PDE8B: variants seen among roughly 807,000 people sequenced by gnomAD.
PDE8B encodes the protein phosphodiesterase 8B.
Under a neutral mutation model 101.3 loss-of-function variants are expected in PDE8B, and 26 were observed. The observed-to-expected ratio is 0.26, with a 90% CI of 0.19 to 0.36. PDE8B has a LOEUF of 0.36. PDE8B is among the 10% of genes least tolerant of loss of function. PDE8B has a pLI of 1.00. For synonymous variants in PDE8B, 424 were observed against 429.3 expected, an observed-to-expected ratio of 0.99 and a Z score of 0.15; for missense variants, 810 against 1,163.1, an observed-to-expected ratio of 0.70 and a Z score of 4.42.
the PDE8B span, among the ~76,000 whole-genome samples, chr5:77,092,150 G>C: frequency 6.6e-6 from 1 of 152,242 alleles, no homozygotes; most frequent in East Asian, 1.9e-4. Context: ...ATCTTAACAA[G>C]ATGTATTTTT....
chr5:77,364,768 A>G (rs1423517931), intron 10 of PDE8B, among the ~76,000 whole-genome samples: 1 of 152,184 alleles, frequency 6.6e-6, no homozygotes, highest in African/African-American at 2.4e-5. Context: ...GCCAGGTCTC[A>G]GTGGGTGCCA....
intron 1 of PDE8B, among the ~76,000 whole-genome samples, chr5:77,267,789 G>A (rs183435309): frequency 1.8e-3 from 276 of 152,324 alleles, no homozygotes; most frequent in African/African-American, 6.4e-3. Flanking sequence ...TAAGGTTATG[G>A]TATGCGAAGT....
At chr5:77,293,348 T>G (rs1767799636) in intron 1 of PDE8B, among the ~76,000 whole-genome samples, 1 of 152,030 alleles carries the variant, frequency 6.6e-6, no homozygotes, top group East Asian at 1.9e-4. Context: ...TATTCCTCTA[T>G]ATGGATTTGA....
intron 20 of PDE8B, among the ~76,000 whole-genome samples, chr5:77,423,063 T>C (rs544196302): frequency 1.3e-5 from 2 of 152,362 alleles, no homozygotes; most frequent in South Asian, 2.1e-4. Context: ...TTTCTGCCAC[T>C]GTGTGTACCC....
At chr5:77,101,720 G>T in the PDE8B span, among the ~76,000 whole-genome samples, 1 of 152,044 alleles carries the variant, frequency 6.6e-6, no homozygotes, top group African/African-American at 2.4e-5. Flanking sequence ...CTAGCACAAT[G>T]CTGGGCAAAG....
chr5:77,359,338 C>T (rs536561349), intron 10 of PDE8B, among the ~76,000 whole-genome samples: 2 of 152,208 alleles, frequency 1.3e-5, no homozygotes, highest in African/African-American at 2.4e-5. Context: ...AAGGGTAAAC[C>T]GATAACATTC....
chr5:77,309,568 G>A (rs746225256), intron 1 of PDE8B, among the ~76,000 whole-genome samples: 1 of 152,144 alleles, frequency 6.6e-6, no homozygotes, highest in Admixed American at 6.5e-5. Flanking sequence ...AGAGATCACA[G>A]GGCAAGCGAA....
chr5:77,335,564 T>TGTGTGAGA (rs777358989), intron 5 of PDE8B, among the ~76,000 whole-genome samples: 25 of 99,970 alleles, frequency 2.5e-4, no homozygotes, highest in African/African-American at 7.9e-4. Context: ...TGTGTGTGTG[T>TGTGTGAGA]GAGAGAGAGA....
chr5:77,117,916 T>C, the PDE8B span, among the ~76,000 whole-genome samples: 1 of 152,138 alleles, frequency 6.6e-6, no homozygotes, highest in African/African-American at 2.4e-5. Context: ...GTAGTTCTTT[T>C]TGTTTTTTGT....
the PDE8B span, chr5:77,140,467 G>A: frequency 1.3e-5 from 2 of 152,054 alleles, no homozygotes; most frequent in Admixed American, 1.3e-4. Flanking sequence ...CCCTGCAGAG[G>A]CTACAGTGAC....
chr5:77,283,228 C>T (rs918765946), intron 1 of PDE8B, among the ~76,000 whole-genome samples: 8 of 152,040 alleles, frequency 5.3e-5, no homozygotes, highest in African/African-American at 1.7e-4. Flanking sequence ...CTCATATATT[C>T]GAAACCCTGC....
chr5:77,340,809 T>C (rs1779090176), intron 6 of PDE8B, among the ~76,000 whole-genome samples: 1 of 152,154 alleles, frequency 6.6e-6, no homozygotes, highest in African/African-American at 2.4e-5. Flanking sequence ...TTTTTCAGTC[T>C]GGTGCACTTT....
At chr5:77,328,584 T>G (rs767920823) in intron 3 of PDE8B, among the ~76,000 whole-genome samples, 5 of 152,228 alleles carry the variant, frequency 3.3e-5, no homozygotes, top group Non-Finnish European at 7.3e-5. Flanking sequence ...CTCAACTTTC[T>G]GAACTACCTG....
intron 1 of PDE8B, among the ~76,000 whole-genome samples, chr5:77,265,756 A>C (rs967522131): frequency 6.6e-6 from 1 of 152,360 alleles, no homozygotes; most frequent in Non-Finnish European, 1.5e-5. Flanking sequence ...GTATTCTTTC[A>C]GAATTAAATA....
chr5:77,308,786 A>G (rs1350854851), intron 1 of PDE8B, among the ~76,000 whole-genome samples: 1 of 152,128 alleles, frequency 6.6e-6, no homozygotes, highest in African/African-American at 2.4e-5. Flanking sequence ...GTCATCAGAT[A>G]TTCTCCTGGT....
Position 77,419,766 on chromosome 5 carries a change from G to A in PDE8B, c.2130-1G>A, listed in dbSNP as rs1017271743. 1 of 1,613,776 alleles carries A rather than the reference G, an allele frequency of 6.2e-7. No homozygotes were observed. Among genetic ancestry groups the A allele is most frequent in the African/African-American group, 1.3e-5 (1 of 74,894 alleles). ...GCCCCTTTGTCTTGTGGTTATTTTA[G>A]GAACCATTATCGAACGCTGCGCCAG... On this transcript the variant is annotated splice_acceptor_variant, in intron 18 of 21. Transcript: ENST00000264917. LOFTEE classifies it high-confidence loss of function.
Position 77,404,767 on chromosome 5 carries a change from G to A in PDE8B, c.1258G>A (p.Val420Met), listed in dbSNP as rs149673691. Residue 420 changes from valine (V) to methionine (M), a missense_variant, in exon 12 of 22, where the codon GTG becomes ATG. By Grantham distance (21) the Val-to-Met change is conservative. Coordinates refer to ENST00000264917, the MANE Select transcript of PDE8B (RefSeq NM_003719.5). ...YKNRRKESID[V>M]KSISSRGSDA... ...GAACAGGAGGAAAGAGTCCATTGACGTGAAATCGATATCATCTCGAGGCAG... is the reference window on the plus strand; with the variant it reads ...GAACAGGAGGAAAGAGTCCATTGACATGAAATCGATATCATCTCGAGGCAG... 8.1e-6 allele frequency: 13 copies of A among 1,605,826 alleles called. No homozygotes were observed. Among genetic ancestry groups the A allele is most frequent in the African/African-American group, 8.0e-5 (6 of 74,780 alleles).
the PDE8B span, among the ~76,000 whole-genome samples, chr5:77,185,371 G>A: frequency 6.6e-6 from 1 of 152,018 alleles, no homozygotes; most frequent in African/African-American, 2.4e-5. Context: ...GCTTGTAGAC[G>A]GTCATCTTTT....
the PDE8B span, among the ~76,000 whole-genome samples, chr5:77,157,464 G>A: frequency 3.3e-5 from 5 of 152,154 alleles, no homozygotes; most frequent in African/African-American, 4.8e-5. Flanking sequence ...GGCCAGCTCT[G>A]CTCTGTATAG....
Sources: gnomAD v4.1 joint callset for allele counts (sites outside exome capture counted in the v4.1 genomes callset) on GRCh38, gnomAD v4.1.1 for gene constraint, MANE v1.5 for transcripts, NCBI Gene and HGNC (gene_info 2026-07-23, HGNC 2026-07-21) for gene names.